CEP128: variants seen among roughly 807,000 people sequenced by gnomAD.
CEP128 encodes the protein centrosomal protein 128kDa.
Under a neutral mutation model 156.7 loss-of-function variants are expected in CEP128, and 132 were observed. The ratio of observed to expected loss-of-function variants is 0.84; its 90% CI spans 0.73 to 0.97. The LOEUF is 0.97. Ranked by LOEUF, CEP128 falls within the 50% of genes least tolerant of loss-of-function variation. The probability of loss-of-function intolerance (pLI) is 0.00; values close to 1 mark genes in which losing one functional copy is unlikely to be tolerated. For synonymous variants in CEP128, 469 were observed against 448.9 expected, an observed-to-expected ratio of 1.04 and a Z score of -0.57; for missense variants, 1,252 against 1,281.9, an observed-to-expected ratio of 0.98 and a Z score of 0.36.
chr14:80,919,377 G>A (rs756190807), intron 2 of CEP128, among the ~76,000 whole-genome samples: 27 of 152,066 alleles, frequency 1.8e-4, no homozygotes, highest in Admixed American at 3.9e-4. Context: ...CTATCACCAA[G>A]AACTAATAAA....
chr14:80,520,544 C>T (rs1275401631), intron 23 of CEP128, among the ~76,000 whole-genome samples: 3 of 152,042 alleles, frequency 2.0e-5, no homozygotes, highest in East Asian at 3.9e-4. Flanking sequence ...GGACTAATAG[C>T]TAATTGATAT....
intron 2 of CEP128, among the ~76,000 whole-genome samples, chr14:80,920,427 T>A (rs1884793817): frequency 6.6e-6 from 1 of 152,222 alleles, no homozygotes; most frequent in Non-Finnish European, 1.5e-5. Flanking sequence ...TTAATATAAC[T>A]GACTCAAAAA....
At chr14:80,851,886 T>C (rs1360798923) in intron 9 of CEP128, among the ~76,000 whole-genome samples, 1 of 152,018 alleles carries the variant, frequency 6.6e-6, no homozygotes, top group Non-Finnish European at 1.5e-5. Flanking sequence ...TAGGTAATAT[T>C]TTTTAAATAA....
At chr14:80,949,100 A>C (rs1886404413) in intron 2 of CEP128, among the ~76,000 whole-genome samples, 1 of 152,166 alleles carries the variant, frequency 6.6e-6, no homozygotes, top group African/African-American at 2.4e-5. Flanking sequence ...GAATTATACC[A>C]AAAAAACAGG....
rs1434133970 is a variant in CEP128, at chr14:80,647,096, T to TAA, written c.2807-66675_2807-66674dup. ...ATATATATATATATATACACCCTTATAAATACACATACACACACACACACA... is the reference window on the plus strand; with the variant it reads ...ATATATATATATATATACACCCTTATAAAAATACACATACACACACACACACA... On this transcript the variant is annotated intron_variant, in intron 19 of 24. Coordinates refer to ENST00000555265, the MANE Select transcript of CEP128 (RefSeq NM_152446.5). Among the ~76,000 whole-genome samples, 5 of 101,720 alleles carry TAA rather than the reference T, an allele frequency of 4.9e-5. 1 individual carries two copies. The highest frequency in any genetic ancestry group is 1.8e-4 in the African/African-American group (5 of 28,206). The allele number at this position is 101,720 out of a possible 152,430, so 66.7% of individuals were successfully genotyped here.
intron 7 of CEP128, among the ~76,000 whole-genome samples, chr14:80,896,013 T>C (rs1226263112): frequency 6.6e-6 from 1 of 152,162 alleles, no homozygotes; most frequent in Non-Finnish European, 1.5e-5. Context: ...GGCCCAAGAA[T>C]GTGCCTTTCT....
chr14:80,763,096 A>G (rs1424996472), intron 16 of CEP128, among the ~76,000 whole-genome samples: 14 of 152,168 alleles, frequency 9.2e-5, no homozygotes, highest in Non-Finnish European at 2.1e-4. Context: ...GGCAAACTAT[A>G]ATCAGACTAT....
At chr14:80,655,575 C>A (rs928171055) in intron 19 of CEP128, among the ~76,000 whole-genome samples, 1 of 152,154 alleles carries the variant, frequency 6.6e-6, no homozygotes, top group Admixed American at 6.6e-5. Flanking sequence ...CCAGGCCTTG[C>A]CATTCAGAGA....
At chr14:80,712,470 A>G (rs1400983263) in intron 19 of CEP128, among the ~76,000 whole-genome samples, 1 of 152,108 alleles carries the variant, frequency 6.6e-6, no homozygotes, top group Non-Finnish European at 1.5e-5. Flanking sequence ...TTGGGCCCAG[A>G]GAGGTGTTCA....
chr14:80,589,336 G>A (rs1453047359), intron 19 of CEP128, among the ~76,000 whole-genome samples: 1 of 152,050 alleles, frequency 6.6e-6, no homozygotes, highest in African/African-American at 2.4e-5. Context: ...ACACACCTTA[G>A]AACTTTCATT....
intron 19 of CEP128, among the ~76,000 whole-genome samples, chr14:80,617,057 C>T (rs1893242768): frequency 1.3e-5 from 2 of 151,594 alleles, no homozygotes; most frequent in African/African-American, 2.4e-5. Flanking sequence ...GCTAGTAATT[C>T]TGCAAGCAAT....
intron 23 of CEP128, among the ~76,000 whole-genome samples, chr14:80,520,437 C>CAAAAA (rs200662681): frequency 8.7e-6 from 1 of 115,014 alleles, no homozygotes; most frequent in African/African-American, 2.7e-5. Flanking sequence ...AACAAACAAA[C>CAAAAA]AAACAAAAAA....
intron 19 of CEP128, among the ~76,000 whole-genome samples, chr14:80,679,837 G>T (rs1896243102): frequency 6.6e-6 from 1 of 152,088 alleles, no homozygotes; most frequent in African/African-American, 2.4e-5. Context: ...AGCTCAGGTG[G>T]GCAACACAGT....
intron 8 of CEP128, among the ~76,000 whole-genome samples, chr14:80,883,224 T>TAG (rs1888635485): frequency 6.6e-6 from 1 of 151,658 alleles, no homozygotes; most frequent in South Asian, 2.1e-4. Context: ...TAAAATAAAA[T>TAG]AGAATAAAGG....
intron 19 of CEP128, among the ~76,000 whole-genome samples, chr14:80,709,420 G>A (rs982184830): frequency 2.2e-4 from 33 of 152,306 alleles, no homozygotes; most frequent in African/African-American, 7.0e-4. Flanking sequence ...TTACAGGCAT[G>A]AGCCACTGCA....
At chr14:80,667,857 C>CAA (rs3070047) in intron 19 of CEP128, among the ~76,000 whole-genome samples, 9,957 of 89,888 alleles carry the variant, frequency 0.11, 1,442 homozygotes, top group African/African-American at 0.32. Context: ...GACTCCATCT[C>CAA]AAAAAAAAAA....
At chr14:80,797,412 T>C (rs916172581) in intron 13 of CEP128, among the ~76,000 whole-genome samples, 1 of 152,222 alleles carries the variant, frequency 6.6e-6, no homozygotes, top group African/African-American at 2.4e-5. Context: ...TGGTTTTCAC[T>C]ACTCAAGAGA....
At chr14:80,833,315 T>G (rs1419988347) in intron 12 of CEP128, among the ~76,000 whole-genome samples, 2 of 151,724 alleles carry the variant, frequency 1.3e-5, no homozygotes, top group African/African-American at 4.8e-5. Context: ...TACATATATG[T>G]ATACTTTATG....
chr14:80,560,172 T>G (rs1048618408), intron 20 of CEP128, among the ~76,000 whole-genome samples: 3 of 152,212 alleles, frequency 2.0e-5, no homozygotes, highest in African/African-American at 7.2e-5. Flanking sequence ...ACACCTGTAA[T>G]CCCAGCACTT....
Sources: gnomAD v4.1 joint callset for allele counts (sites outside exome capture counted in the v4.1 genomes callset) on GRCh38, gnomAD v4.1.1 for gene constraint, MANE v1.5 for transcripts, NCBI Gene and HGNC (gene_info 2026-07-23, HGNC 2026-07-21) for gene names.